Variants in PRDM16 observed in about 807,000 individuals in gnomAD.
The protein encoded by PRDM16 is PR/SET domain 16.
Under a neutral mutation model 110.6 loss-of-function variants are expected in PRDM16, and 23 were observed. The observed-to-expected ratio is 0.21, with a 90% confidence interval of 0.15 to 0.29. The LOEUF (loss-of-function observed/expected upper bound fraction) is 0.29, where lower values mean the gene tolerates loss of function less well. PRDM16 is among the 10% of genes least tolerant of loss of function. The probability of loss-of-function intolerance (pLI) is 1.00; values close to 1 mark genes in which losing one functional copy is unlikely to be tolerated. For synonymous variants in PRDM16, 799 were observed against 781.8 expected, an observed-to-expected ratio of 1.02 and a Z score of -0.37; for missense variants, 1,615 against 1,794.3, an observed-to-expected ratio of 0.90 and a Z score of 1.81.
At chr1:3,433,039 T>C (rs1015157181) in intron 16 of PRDM16, among the ~76,000 whole-genome samples, 2 of 152,148 alleles carry the variant, frequency 1.3e-5, no homozygotes, top group African/African-American at 4.8e-5. Context: ...CAGGGGTGGC[T>C]CTTGTTGACC....
Position 3,179,263 on chromosome 1 carries a change from G to A in PRDM16, c.38-6862G>A, listed in dbSNP as rs894314931. ...AGGGTGAGGCAGAGAGGCCAGCAGGGCCAGGACTGGGGTCAGAGCGCTTGT... is the reference window on the plus strand; with the variant it reads ...AGGGTGAGGCAGAGAGGCCAGCAGGACCAGGACTGGGGTCAGAGCGCTTGT... On this transcript the variant is annotated intron_variant, in intron 1 of 16. Transcript: ENST00000270722. Among the ~76,000 whole-genome samples the A allele has an allele frequency of 3.9e-5, 6 of 152,380 alleles. No individual in the cohort carries two copies. In the East Asian group the frequency reaches 9.6e-4, roughly 25 times the overall value.
intron 3 of PRDM16, among the ~76,000 whole-genome samples, chr1:3,352,576 T>C (rs1001844398): frequency 1.3e-5 from 2 of 152,250 alleles, no homozygotes; most frequent in Non-Finnish European, 2.9e-5. Flanking sequence ...CTCCTGCTGC[T>C]TTTAATAGGC....
At position 3,335,414 on chromosome 1, in the gene PRDM16, G is replaced by A. The variant is rs145957572; in HGVS notation, c.439-49738G>A. ...GGGGAACAGTTCCTCCCCTCAGGGC[G>A]TCCGTAGAGAACACGTCCTTAGCCC... On this transcript the variant is annotated intron_variant, in intron 3 of 16. Transcript: ENST00000270722. Among the ~76,000 whole-genome samples, 181 of 152,274 alleles carry A rather than the reference G, an allele frequency of 1.2e-3. No homozygotes were observed. The Middle Eastern group carries it at 0.014, about 11-fold the overall frequency.
At chr1:3,180,748 GA>G (rs34468831) in intron 1 of PRDM16, among the ~76,000 whole-genome samples, 25,697 of 152,058 alleles carry the variant, frequency 0.17, 2,811 homozygotes, top group East Asian at 0.35. Flanking sequence ...AGACAGAAGA[GA>G]AACAGCGTTT....
intron 1 of PRDM16, among the ~76,000 whole-genome samples, chr1:3,122,310 G>A (rs983919672): frequency 6.6e-6 from 1 of 152,184 alleles, no homozygotes; most frequent in Non-Finnish European, 1.5e-5. Context: ...CTGTCCGGTT[G>A]CTGCTCTGTC....
intron 2 of PRDM16, among the ~76,000 whole-genome samples, chr1:3,238,908 G>A (rs1262562510): frequency 6.6e-6 from 1 of 152,224 alleles, no homozygotes; most frequent in Admixed American, 6.5e-5. Flanking sequence ...CAACTCTGCA[G>A]CCCCTGTTTC....
At chr1:3,431,293 G>T (rs377528852) in intron 15 of PRDM16, among the ~76,000 whole-genome samples, 185 bp downstream of exon 15, 1 of 152,218 alleles carries the variant, frequency 6.6e-6, no homozygotes, top group African/African-American at 2.4e-5. Flanking sequence ...GGGGTCAGGG[G>T]CCCTTAACCC....
At chr1:3,131,756 C>T (rs1343167716) in intron 1 of PRDM16, among the ~76,000 whole-genome samples, 1 of 152,172 alleles carries the variant, frequency 6.6e-6, no homozygotes, top group Non-Finnish European at 1.5e-5. Flanking sequence ...CAGCTCCAGG[C>T]CCCGCAAACC....
Position 3,370,635 on chromosome 1 carries a change from C to A in PRDM16, c.439-14517C>A, listed in dbSNP as rs1176241537. On this transcript the variant is annotated intron_variant, in intron 3 of 16. Coordinates refer to ENST00000270722, the MANE Select transcript of PRDM16 (RefSeq NM_022114.4). This position sits in a 1 kb window ranked among gnomAD's most constrained non-coding sequence, Gnocchi z 4.8. ...CTGTGAGAGTGTCTGAGAGGAGCCTCACCCTGATGTGAGGGACCAGGGCAG... is the reference window on the plus strand; with the variant it reads ...CTGTGAGAGTGTCTGAGAGGAGCCTAACCCTGATGTGAGGGACCAGGGCAG... Among the ~76,000 whole-genome samples the A allele has an allele frequency of 6.6e-6, 1 of 152,158 alleles. No individual in the cohort carries two copies. Among genetic ancestry groups the A allele is most frequent in the African/African-American group, 2.4e-5 (1 of 41,436 alleles).
chr1:3,150,553 A>C (rs894894212), intron 1 of PRDM16, among the ~76,000 whole-genome samples: 1 of 152,198 alleles, frequency 6.6e-6, no homozygotes, highest in Non-Finnish European at 1.5e-5. Flanking sequence ...GCGAGACTCC[A>C]TCTCAAAGAT....
At chr1:3,391,711 G>A (rs1442916745) in intron 4 of PRDM16, among the ~76,000 whole-genome samples, 6 of 152,226 alleles carry the variant, frequency 3.9e-5, no homozygotes, top group East Asian at 1.9e-4. Flanking sequence ...GGACTCCAGC[G>A]GGCTTTTCCT....
intron 3 of PRDM16, among the ~76,000 whole-genome samples, chr1:3,288,882 TCTC>T (rs1324403916): frequency 6.6e-6 from 1 of 152,066 alleles, no homozygotes; most frequent in Non-Finnish European, 1.5e-5. Flanking sequence ...TCCTGGGTGT[TCTC>T]CTCCCACATT....
intron 3 of PRDM16, among the ~76,000 whole-genome samples, chr1:3,258,998 G>T (rs184495869): frequency 6.6e-6 from 1 of 152,356 alleles, no homozygotes; most frequent in African/African-American, 2.4e-5. Context: ...TCCTCCCTTT[G>T]TATTTCTGTT....
At position 3,265,702 on chromosome 1, in the gene PRDM16, G is replaced by A. The variant is rs1398375086; in HGVS notation, c.438+21565G>A. Among the ~76,000 whole-genome samples, 1 of 152,050 alleles carries A rather than the reference G, an allele frequency of 6.6e-6. No individual in the cohort carries two copies. Among genetic ancestry groups the A allele is most frequent in the Non-Finnish European group, 1.5e-5 (1 of 67,982 alleles). ...GCCTGGGTTTGTCCTGGGAAGGTGAGGATGGGAGCTGACTGTGGTTAATCA... is the reference window on the plus strand; with the variant it reads ...GCCTGGGTTTGTCCTGGGAAGGTGAAGATGGGAGCTGACTGTGGTTAATCA... On this transcript the variant is annotated intron_variant, in intron 3 of 16. Transcript: ENST00000270722. The surrounding 1 kb of genome is among the most constrained non-coding windows in gnomAD (Gnocchi z 4.5).
chr1:3,425,968 T>C lies in PRDM16; in HGVS notation c.3110-83T>C. ...CCTGCCTCCCTAACAGCACCCCAGG[T>C]GTACCCCGTTCGCGGTTGGTTTGCC... On this transcript the variant is annotated intron_variant, in intron 13 of 16. Coordinates refer to ENST00000270722, the MANE Select transcript of PRDM16 (RefSeq NM_022114.4). The surrounding 1 kb of genome is among the most constrained non-coding windows in gnomAD (Gnocchi z 6.9). The C allele has an allele frequency of 1.4e-6, 2 of 1,465,452 alleles. No homozygotes were observed. Among genetic ancestry groups the C allele is most frequent in the Non-Finnish European group, 1.8e-6 (2 of 1,085,748 alleles). The allele number at this position is 1,465,452 out of a possible 1,614,324, so 90.8% of individuals were successfully genotyped here.
chr1:3,378,594 G>A (rs868687594), intron 3 of PRDM16, among the ~76,000 whole-genome samples: 4 of 152,086 alleles, frequency 2.6e-5, no homozygotes, highest in African/African-American at 7.2e-5. Flanking sequence ...CAGCAACACC[G>A]TACCCACCTC....
At chr1:3,311,699 C>T (rs528573043) in intron 3 of PRDM16, among the ~76,000 whole-genome samples, 4 of 152,330 alleles carry the variant, frequency 2.6e-5, no homozygotes, top group Admixed American at 1.3e-4. Flanking sequence ...TGCCCGACCC[C>T]GAAGGCACCC....
chr1:3,217,694 T>A (rs1209383632), intron 2 of PRDM16, among the ~76,000 whole-genome samples: 1 of 152,168 alleles, frequency 6.6e-6, no homozygotes, highest in African/African-American at 2.4e-5. Flanking sequence ...TGGGGCCAGG[T>A]CCCCGTGCCG....
At chr1:3,249,286 A>G (rs1019956376) in intron 3 of PRDM16, among the ~76,000 whole-genome samples, 7 of 152,086 alleles carry the variant, frequency 4.6e-5, no homozygotes, top group Admixed American at 1.3e-4. Flanking sequence ...TCAAACACAG[A>G]GCTGCAGAAG....
Sources: gnomAD v4.1 joint callset for allele counts (sites outside exome capture counted in the v4.1 genomes callset) on GRCh38, gnomAD v4.1.1 for gene constraint, Gnocchi (gnomAD v3.1) non-coding constraint, MANE v1.5 for transcripts, NCBI Gene and HGNC (gene_info 2026-07-23, HGNC 2026-07-21) for gene names.